The following SLC31A1 variants were observed in gnomAD, a reference collection of about 807,000 sequenced individuals.
The protein encoded by SLC31A1 is solute carrier family 31 member 1.
Under a neutral mutation model 17.2 loss-of-function variants are expected in SLC31A1, and 5 were observed. The ratio of observed to expected loss-of-function variants is 0.29; its 90% CI spans 0.15 to 0.61. The LOEUF (loss-of-function observed/expected upper bound fraction) is 0.61, where lower values mean the gene tolerates loss of function less well. SLC31A1 is among the 20% of genes least tolerant of loss of function. The pLI, the probability that SLC31A1 is intolerant of heterozygous loss-of-function variation, is 0.86. For missense variants in SLC31A1, 161 were observed against 241.4 expected (o/e 0.67, Z 2.21); for synonymous variants, 76 against 78.8 (o/e 0.96, Z 0.19).
At position 113,232,481 on chromosome 9, in the gene SLC31A1, C is replaced by T. The variant is rs536013925; in HGVS notation, c.-36+10803C>T. Among the ~76,000 whole-genome samples, 7 of 152,052 alleles carry T rather than the reference C, an allele frequency of 4.6e-5. No individual in the cohort carries two copies. The South Asian group carries it at 6.2e-4, about 14-fold the overall frequency. On this transcript the variant is annotated intron_variant, in intron 1 of 4. Transcript: ENST00000374212. ...CAACATAGATAAAGGCCATCTCTGT[C>T]GGTAAATTTAAATGGGTTAGATTCA...
intron 1 of SLC31A1, among the ~76,000 whole-genome samples, chr9:113,249,359 T>A (rs1587993835): frequency 6.6e-6 from 1 of 151,684 alleles, no homozygotes; most frequent in Non-Finnish European, 1.5e-5. Flanking sequence ...TTTCTTTGTT[T>A]TTTTTTTATT....
intron 4 of SLC31A1, among the ~76,000 whole-genome samples, chr9:113,259,783 G>A (rs780797963): frequency 6.6e-6 from 1 of 151,374 alleles, no homozygotes; most frequent in Non-Finnish European, 1.5e-5. Context: ...ACAAGGTTTC[G>A]CCATGTTGCC....
intron 1 of SLC31A1, among the ~76,000 whole-genome samples, chr9:113,246,012 A>G (rs1217115783): frequency 6.6e-6 from 1 of 151,960 alleles, no homozygotes; most frequent in Non-Finnish European, 1.5e-5. Flanking sequence ...ACTCCTCCCC[A>G]AAAGGTGTGT....
chr9:113,248,333 A>T (rs1831606809), intron 1 of SLC31A1, among the ~76,000 whole-genome samples: 1 of 152,002 alleles, frequency 6.6e-6, no homozygotes. Flanking sequence ...AAACAAACAA[A>T]CAAACAAACA....
chr9:113,240,205 T>C (rs1052374243), intron 1 of SLC31A1, among the ~76,000 whole-genome samples: 1 of 152,212 alleles, frequency 6.6e-6, no homozygotes, highest in Admixed American at 6.5e-5. Context: ...TACCTATATA[T>C]ATTTATTTGC....
chr9:113,244,127 C>G (rs952885244), intron 1 of SLC31A1, among the ~76,000 whole-genome samples: 2 of 140,662 alleles, frequency 1.4e-5, no homozygotes, highest in Non-Finnish European at 3.0e-5. Flanking sequence ...TGTACTCCAG[C>G]CTGGGTGACA....
At chr9:113,233,380 G>A (rs1020841769) in intron 1 of SLC31A1, among the ~76,000 whole-genome samples, 2 of 152,078 alleles carry the variant, frequency 1.3e-5, no homozygotes, top group Admixed American at 6.6e-5. Flanking sequence ...ATCTCAGATC[G>A]AATCCCAATC....
At position 113,258,232 on chromosome 9, in the gene SLC31A1, A is replaced by C. The variant is rs1404682158; in HGVS notation, c.203-462A>C. 1.3e-5 allele frequency among the ~76,000 whole-genome samples: 2 copies of C among 152,242 alleles called. No individual in the cohort carries two copies. The highest frequency in any genetic ancestry group is 4.8e-5 in the African/African-American group (2 of 41,460). ...AATTTGTTTTGGGAAGAAGGAGAGC[A>C]TTTAGTTCAGGTAATGTGTTAAATT... On this transcript the variant is annotated intron_variant, in intron 3 of 4. Transcript: ENST00000374212. The surrounding 1 kb of genome is among the most constrained non-coding windows in gnomAD (Gnocchi z 4.8).
chr9:113,239,484 C>T (rs1317072302), intron 1 of SLC31A1, among the ~76,000 whole-genome samples: 2 of 152,168 alleles, frequency 1.3e-5, no homozygotes, highest in Non-Finnish European at 2.9e-5. Context: ...GTAAATCTGC[C>T]TCAAAGAAGA....
chr9:113,253,818 A>G (rs1191533332), intron 1 of SLC31A1, among the ~76,000 whole-genome samples: 3 of 152,064 alleles, frequency 2.0e-5, no homozygotes, highest in African/African-American at 7.2e-5. Flanking sequence ...GATTATGCCT[A>G]CCTGATGCTT....
rs938211572 is a variant in SLC31A1, at chr9:113,253,154, C to T, written c.-35-2960C>T. Among the ~76,000 whole-genome samples the T allele has an allele frequency of 5.9e-5, 9 of 151,940 alleles. No homozygotes were observed. The East Asian group carries it at 7.8e-4, about 13-fold the overall frequency. On this transcript the variant is annotated intron_variant, in intron 1 of 4. Transcript: ENST00000374212. The stretch of plus-strand genomic sequence containing the variant: ...TGTTTTTAGTAGAGACGGGGTTTCA[C>T]CCATGTTAGCCAGGATGGTCTTGAT...
At chr9:113,259,491 G>A (rs2118519567) in intron 4 of SLC31A1, among the ~76,000 whole-genome samples, 1 of 152,246 alleles carries the variant, frequency 6.6e-6, no homozygotes, top group East Asian at 1.9e-4. Context: ...AGGTGGCACA[G>A]GGGATGAGTA....
At chr9:113,252,083 TG>T (rs1831660535) in intron 1 of SLC31A1, among the ~76,000 whole-genome samples, 1 of 152,342 alleles carries the variant, frequency 6.6e-6, no homozygotes, top group African/African-American at 2.4e-5. Context: ...AAGGTTTTCT[TG>T]GGATTTGTAT....
intron 1 of SLC31A1, among the ~76,000 whole-genome samples, chr9:113,234,237 G>A (rs1831430386): frequency 6.6e-6 from 1 of 151,326 alleles, no homozygotes; most frequent in Admixed American, 6.6e-5. Flanking sequence ...GTCTTGCTCT[G>A]TCACCCAGGC....
chr9:113,252,127 G>A (rs1411925810), intron 1 of SLC31A1, among the ~76,000 whole-genome samples: 1 of 152,198 alleles, frequency 6.6e-6, no homozygotes, highest in Non-Finnish European at 1.5e-5. Flanking sequence ...TATGTCTGAA[G>A]AGATTTGATA....
At position 113,262,252 on chromosome 9, in the gene SLC31A1, T is replaced by C. The variant is rs892334610; in HGVS notation, c.*1779T>C. On this transcript the variant is annotated 3_prime_UTR_variant, in exon 5 of 5. Coordinates refer to ENST00000374212, the MANE Select transcript of SLC31A1 (RefSeq NM_001859.4). ...ATCCTCCATATAATCATCTTTGTTA[T>C]TCGTGGGGGTTTAATTACATTACAA... 3.3e-5 allele frequency: 5 copies of C among 152,684 alleles called. No homozygotes were observed. Among genetic ancestry groups the C allele is most frequent in the African/African-American group, 1.2e-4 (5 of 41,470 alleles). The allele number at this position is 152,684 out of a possible 1,614,324, so 9.5% of individuals were successfully genotyped here.
chr9:113,226,907 G>A (rs573315953), intron 1 of SLC31A1, among the ~76,000 whole-genome samples: 1 of 152,098 alleles, frequency 6.6e-6, no homozygotes, highest in African/African-American at 2.4e-5. Context: ...TCATACACCC[G>A]CATCCTCTCT....
rs34154634 is a variant in SLC31A1 at position 113,248,462 on chromosome 9, CTTTTTTTT to C, written c.-35-7635_-35-7628del. 5.8e-5 allele frequency among the ~76,000 whole-genome samples: 5 copies of C among 86,552 alleles called. No homozygotes were observed. In the Admixed American group the frequency reaches 7.5e-4, roughly 13 times the overall value. The allele number at this position is 86,552 out of a possible 152,430, so 56.8% of individuals were successfully genotyped here. A position where few individuals can be genotyped will look rare whatever the true frequency, so the allele number is the denominator to read the frequency against. Reference sequence around the variant, plus strand: ...GGCAGAAAGATACTTGAAAGCAGTCCTTTTTTTTTTTTTTTTTTTTTTTTGAAACAGAG... The same window carrying C: ...GGCAGAAAGATACTTGAAAGCAGTCCTTTTTTTTTTTTTTTTGAAACAGAG... On this transcript the variant is annotated intron_variant, in intron 1 of 4. Transcript: ENST00000374212.
chr9:113,229,332 T>G lies in SLC31A1; in HGVS notation c.-36+7654T>G, dbSNP rs531709275. Reference sequence around the variant, plus strand: ...CTTTGTTGTTTCCCCCCAACTCCCCTGCAGATAGTATAGGTGTATAAAAAT... The same window carrying G: ...CTTTGTTGTTTCCCCCCAACTCCCCGGCAGATAGTATAGGTGTATAAAAAT... On this transcript the variant is annotated intron_variant, in intron 1 of 4. Coordinates refer to ENST00000374212, the MANE Select transcript of SLC31A1 (RefSeq NM_001859.4). 1.7e-4 allele frequency among the ~76,000 whole-genome samples: 26 copies of G among 152,330 alleles called. No individual in the cohort carries two copies. The South Asian group carries it at 5.2e-3, about 30-fold the overall frequency.
Sources: allele counts gnomAD v4.1 joint callset (sites outside exome capture counted in the v4.1 genomes callset), GRCh38; gene constraint gnomAD v4.1.1; non-coding constraint Gnocchi (gnomAD v3.1); transcripts MANE v1.5; gene names NCBI Gene and HGNC (gene_info 2026-07-23, HGNC 2026-07-21).